Variants in ANK3 observed in about 807,000 individuals in gnomAD.
ANK3 encodes ankyrin 3.
Under a neutral mutation model 370.9 loss-of-function variants are expected in ANK3, and 57 were observed. The observed-to-expected ratio is 0.15, with a 90% confidence interval of 0.12 to 0.19. The LOEUF (loss-of-function observed/expected upper bound fraction) is 0.19, where lower values mean the gene tolerates loss of function less well. Among genes scored for constraint, ANK3 ranks in the 10% least tolerant of loss-of-function variants. The pLI is 1.00. For missense variants in ANK3, 4,439 were observed against 5,302.1 expected (o/e 0.84, Z 5.06); for synonymous variants, 1,929 against 1,946.3 (o/e 0.99, Z 0.23).
chr10:60,604,080 T>C (rs780566442), intron 2 of ANK3, among the ~76,000 whole-genome samples: 1 of 152,126 alleles, frequency 6.6e-6, no homozygotes, highest in Non-Finnish European at 1.5e-5. Context: ...ATCCTGACCA[T>C]AAAGTTTTAA....
intron 4 of ANK3, among the ~76,000 whole-genome samples, chr10:60,277,636 G>A (rs952582809): frequency 6.6e-6 from 1 of 152,102 alleles, no homozygotes; most frequent in African/African-American, 2.4e-5. Context: ...CCGCTAACAG[G>A]AAATCATCCT....
intron 2 of ANK3, among the ~76,000 whole-genome samples, chr10:60,530,464 A>AC (rs1379603263): frequency 1.3e-5 from 2 of 150,976 alleles, no homozygotes; most frequent in Non-Finnish European, 2.9e-5. Context: ...AAAAAAAAAA[A>AC]AACCCTATGA....
In ANK3 at chr10:60,056,146, A is replaced by C. The variant is rs1241350333; in HGVS notation, c.12687-110T>G. ...CTTTTGCCTACTTCTGAAGGCATAA[A>C]ATAGAAAAGTGTGAAAAGTGTGGCC... is the stretch of plus-strand genomic sequence containing the variant. On this transcript the variant is annotated intron_variant, in intron 41 of 43. Transcript: ENST00000280772. The C allele has an allele frequency of 2.3e-6, 3 of 1,300,034 alleles. No individual in the cohort carries two copies. In the East Asian group the frequency reaches 7.3e-5, roughly 32 times the overall value. The allele number at this position is 1,300,034 out of a possible 1,614,324, so 80.5% of individuals were successfully genotyped here.
At position 60,173,198 on chromosome 10, in the gene ANK3, A is replaced by G; in HGVS notation, c.2185-12T>C. On this transcript the variant is annotated splice_polypyrimidine_tract_variant and intron_variant, in intron 18 of 43. Coordinates refer to ENST00000280772, the MANE Select transcript of ANK3 (RefSeq NM_020987.5). ...GGTGTGTATCCCATCTGTAATTATT[A>G]TTTTTTTAAAAAAGAAGCATCATAA... The G allele has an allele frequency of 6.3e-7, 1 of 1,584,848 alleles. No homozygotes were observed. Among genetic ancestry groups the G allele is most frequent in the Non-Finnish European group, 8.6e-7 (1 of 1,162,186 alleles).
chr10:60,698,580 T>G (rs1220694116), intron 1 of ANK3, among the ~76,000 whole-genome samples: 3 of 148,746 alleles, frequency 2.0e-5, no homozygotes, highest in African/African-American at 5.0e-5. Flanking sequence ...CCATAAAAAA[T>G]GATGAGTTCA....
intron 2 of ANK3, among the ~76,000 whole-genome samples, chr10:60,426,712 C>A (rs1344113719): frequency 6.6e-6 from 1 of 152,150 alleles, no homozygotes; most frequent in East Asian, 1.9e-4. Context: ...GGCCGTCAAG[C>A]ATCTTCCCAC....
At chr10:60,368,905 A>T (rs1325705867) in intron 1 of ANK3, among the ~76,000 whole-genome samples, 1 of 152,210 alleles carries the variant, frequency 6.6e-6, no homozygotes, top group East Asian at 1.9e-4. Flanking sequence ...GGTGCTGGAA[A>T]TCCTAACGCT....
chr10:60,551,966 G>A (rs1434515872), intron 2 of ANK3, among the ~76,000 whole-genome samples: 1 of 152,156 alleles, frequency 6.6e-6, no homozygotes, highest in African/African-American at 2.4e-5. Flanking sequence ...ACTGTCTCCA[G>A]GAACTTCTTC....
intron 7 of ANK3, among the ~76,000 whole-genome samples, chr10:60,248,052 G>C (rs962934157): frequency 1.2e-4 from 18 of 152,206 alleles, no homozygotes; most frequent in African/African-American, 3.6e-4. Context: ...CCAGTGTATG[G>C]ATGTACCACA....
In ANK3 at chr10:60,456,611, A is replaced by G. The variant is rs1047820776; in HGVS notation, c.96+158575T>C. Among the ~76,000 whole-genome samples the G allele has an allele frequency of 1.8e-4, 28 of 152,088 alleles. 1 individual carries two copies. Among genetic ancestry groups the G allele is most frequent in the Non-Finnish European group, 2.9e-5 (2 of 68,004 alleles). ...TGATGTCTTCTAACTGTATCCTAAT[A>G]ATTCCCTACATTTGAGGCACTGTGA... On this transcript the variant is annotated intron_variant, in intron 2 of 43. Coordinates refer to the ANK3 transcript ENST00000373827.
intron 1 of ANK3, among the ~76,000 whole-genome samples, chr10:60,630,318 G>T (rs932784162): frequency 4.4e-4 from 67 of 152,196 alleles, no homozygotes; most frequent in African/African-American, 1.6e-3. Flanking sequence ...TAATTATAAA[G>T]ATCCATTTAT....
At position 60,501,442 on chromosome 10, in the gene ANK3, C is replaced by T. The variant is rs113820377; in HGVS notation, c.96+113744G>A. Among the ~76,000 whole-genome samples the T allele has an allele frequency of 2.6e-5, 4 of 152,232 alleles. 1 individual carries two copies. Among genetic ancestry groups the T allele is most frequent in the East Asian group, 1.9e-4 (1 of 5,174 alleles). On this transcript the variant is annotated intron_variant, in intron 2 of 43. Transcript: ENST00000373827. ...AAACTTGGCCGGGTGCAGCGGCTCA[C>T]GCCTGTAATCTCAGCATTTTAGGAG...
chr10:60,566,649 G>T (rs2077469855), intron 2 of ANK3, among the ~76,000 whole-genome samples: 1 of 152,194 alleles, frequency 6.6e-6, no homozygotes, highest in African/African-American at 2.4e-5. Flanking sequence ...AAGATTGGAG[G>T]ATTGCTCGAG....
rs112506406 is a variant in ANK3, at chr10:60,330,312, C to T, written c.115-50673G>A. ...CTAATTAAACTAAAGAGCTTCTGCA[C>T]AGCAAAAGAAACTATCAACAGACTG... On this transcript the variant is annotated intron_variant, in intron 1 of 43. Coordinates refer to ENST00000280772, the MANE Select transcript of ANK3 (RefSeq NM_020987.5). Among the ~76,000 whole-genome samples, 952 of 152,270 alleles carry T rather than the reference C, an allele frequency of 6.3e-3. 8 individuals are homozygous for T. The highest frequency in any genetic ancestry group is 0.024 in the Middle Eastern group (7 of 294).
At chr10:60,219,715 C>T (rs1413721028) in intron 8 of ANK3, among the ~76,000 whole-genome samples, 3 of 152,066 alleles carry the variant, frequency 2.0e-5, no homozygotes, top group African/African-American at 7.2e-5. Context: ...AATACCTACC[C>T]TAAGGATAAT....
chr10:60,291,909 T>C (rs1192106544), intron 1 of ANK3, among the ~76,000 whole-genome samples: 1 of 152,148 alleles, frequency 6.6e-6, no homozygotes, highest in Non-Finnish European at 1.5e-5. Flanking sequence ...AGACGGAGTT[T>C]TGCCTTGTAA....
intron 2 of ANK3, among the ~76,000 whole-genome samples, chr10:60,561,225 G>A (rs371621257): frequency 9.9e-5 from 15 of 152,178 alleles, no homozygotes; most frequent in African/African-American, 2.9e-4. Flanking sequence ...AATGCATGGA[G>A]TGGTGCAGCC....
intron 8 of ANK3, among the ~76,000 whole-genome samples, chr10:60,225,068 C>A (rs1275470693): frequency 1.3e-5 from 2 of 151,986 alleles, no homozygotes; most frequent in Non-Finnish European, 2.9e-5. Context: ...CATGCCCCAC[C>A]ATTTCCAGTT....
At chr10:60,432,441 T>G (rs2064048197) in intron 2 of ANK3, among the ~76,000 whole-genome samples, 1 of 152,192 alleles carries the variant, frequency 6.6e-6, no homozygotes, top group African/African-American at 2.4e-5. Context: ...AAACTCTTAC[T>G]TCCTAGTTCC....
Sources: allele counts gnomAD v4.1 joint callset (sites outside exome capture counted in the v4.1 genomes callset), GRCh38; gene constraint gnomAD v4.1.1; transcripts MANE v1.5; gene names NCBI Gene and HGNC (gene_info 2026-07-23, HGNC 2026-07-21).